ASTN1: variants seen among roughly 807,000 people sequenced by gnomAD.
ASTN1 encodes astrotactin 1.
Under a neutral mutation model 140.7 loss-of-function variants are expected in ASTN1, and 41 were observed. That is an observed-to-expected ratio of 0.29 (90% CI 0.23 to 0.38). The LOEUF (loss-of-function observed/expected upper bound fraction) is 0.38. Ranked by LOEUF, ASTN1 falls within the 10% of genes least tolerant of loss-of-function variation. The pLI is 1.00. For missense variants in ASTN1, 1,479 were observed against 1,678.8 expected, an observed-to-expected ratio of 0.88 and a Z score of 2.08; for synonymous variants, 640 against 652.2, an observed-to-expected ratio of 0.98 and a Z score of 0.29.
intron 18 of ASTN1, among the ~76,000 whole-genome samples, chr1:176,885,714 G>T (rs1669007330): frequency 6.6e-6 from 1 of 152,156 alleles, no homozygotes; most frequent in South Asian, 2.1e-4. Context: ...ACAGATATTT[G>T]TGAAGCATCC....
chr1:177,047,625 G>C (rs1023602005), intron 2 of ASTN1, among the ~76,000 whole-genome samples: 1 of 152,146 alleles, frequency 6.6e-6, no homozygotes, highest in Admixed American at 6.6e-5. Context: ...GGAAACCACC[G>C]TATCAGTCCA....
chr1:177,080,769 A>G (rs1679140254), intron 1 of ASTN1, among the ~76,000 whole-genome samples: 1 of 152,128 alleles, frequency 6.6e-6, no homozygotes, highest in Admixed American at 6.5e-5. Context: ...GGGCTTTAGA[A>G]TCAGACAGAC....
chr1:176,960,733 C>T (rs1672622199), intron 9 of ASTN1, among the ~76,000 whole-genome samples: 2 of 152,182 alleles, frequency 1.3e-5, no homozygotes. Context: ...TACAATGAGA[C>T]CTGACCATAG....
intron 7 of ASTN1, among the ~76,000 whole-genome samples, chr1:177,018,724 A>T (rs1359142943): frequency 6.6e-6 from 1 of 152,170 alleles, no homozygotes; most frequent in East Asian, 1.9e-4. Flanking sequence ...AAGGCCAGGG[A>T]GAGAGGAAAG....
At chr1:176,986,532 A>G (rs1673914454) in intron 8 of ASTN1, among the ~76,000 whole-genome samples, 1 of 152,136 alleles carries the variant, frequency 6.6e-6, no homozygotes, top group Non-Finnish European at 1.5e-5. Context: ...GGGGAAGGAG[A>G]TAACTCAAAA....
chr1:177,003,470 T>C (rs1315010114), intron 8 of ASTN1, among the ~76,000 whole-genome samples: 2 of 151,876 alleles, frequency 1.3e-5, no homozygotes, highest in African/African-American at 2.4e-5. Context: ...CTGAAGAAAA[T>C]AGGCATAGAA....
chr1:177,047,843 T>G (rs1363092773), intron 2 of ASTN1, among the ~76,000 whole-genome samples: 1 of 152,192 alleles, frequency 6.6e-6, no homozygotes, highest in Non-Finnish European at 1.5e-5. Context: ...ATGGGAAGAC[T>G]GAAATCCATC....
chr1:177,082,774 G>C (rs1336998579), intron 1 of ASTN1, among the ~76,000 whole-genome samples: 1 of 152,148 alleles, frequency 6.6e-6, no homozygotes, highest in African/African-American at 2.4e-5. Context: ...ATGCTGGAGG[G>C]AGCTCTGCCG....
rs114290693 is a variant in ASTN1 at position 177,009,634 on chromosome 1, T to A, written c.1523+5157A>T. On this transcript the variant is annotated intron_variant, in intron 8 of 22. Transcript: ENST00000361833. ...ATGAGAATGACATATTAAGGCAGCA[T>A]GGGCCATGTATGAGTAAGTGAATGT... Among the ~76,000 whole-genome samples the A allele has an allele frequency of 2.7e-3, 418 of 152,300 alleles. 3 individuals are homozygous for A. Among genetic ancestry groups the A allele is most frequent in the African/African-American group, 9.0e-3 (376 of 41,562 alleles).
intron 16 of ASTN1, among the ~76,000 whole-genome samples, chr1:176,915,027 G>A (rs868084149): frequency 3.7e-4 from 57 of 152,216 alleles, no homozygotes; most frequent in African/African-American, 1.2e-3. Context: ...GATGTAATGG[G>A]AAAATCTAAG....
At chr1:176,925,426 C>T (rs1447219937) in intron 16 of ASTN1, among the ~76,000 whole-genome samples, 1 of 152,186 alleles carries the variant, frequency 6.6e-6, no homozygotes, top group East Asian at 1.9e-4. Flanking sequence ...TTTCAGGCCC[C>T]ACCCAGACTT....
intron 1 of ASTN1, among the ~76,000 whole-genome samples, chr1:177,089,035 C>T (rs1011494345): frequency 2.0e-5 from 3 of 152,148 alleles, no homozygotes; most frequent in Non-Finnish European, 4.4e-5. Context: ...CACTCCTCCC[C>T]TTTATGAGCA....
intron 16 of ASTN1, among the ~76,000 whole-genome samples, chr1:176,931,010 C>T (rs1012556539): frequency 2.6e-5 from 4 of 151,904 alleles, no homozygotes; most frequent in Non-Finnish European, 5.9e-5. Context: ...GGATGGGCGC[C>T]GGCACGCAGG....
chr1:177,023,486 C>A lies in ASTN1; in HGVS notation c.1356G>T (p.Gln452His). The change falls in exon 7 of 23, where the codon CAG becomes CAT. Residue 452 changes from glutamine to histidine, a missense_variant. Physicochemically the swap from Gln to His is conservative, Grantham distance 24. Coordinates refer to ENST00000361833, the MANE Select transcript of ASTN1 (RefSeq NM_004319.3). The stretch of plus-strand genomic sequence containing the variant: ...CCATGGCCCAGGGTCCGCTGGAGTT[C>A]TGCTGAGAGAAGAGAACCACTTGGG... ...NPAQVVLFSQ[Q>H]NSSGPWAMDL... 6.2e-7 allele frequency: 1 copy of A among 1,612,878 alleles called. No individual in the cohort carries two copies. The highest frequency in any genetic ancestry group is 8.5e-7 in the Non-Finnish European group (1 of 1,179,532).
chr1:176,857,623 C>A, downstream of ASTN1: 1 of 623,362 alleles, frequency 1.6e-6, no homozygotes, highest in South Asian at 2.0e-5. Context: ...ATCTACAACT[C>A]CTCTGACTGT....
chr1:177,072,960 GT>G (rs765797581), intron 1 of ASTN1, among the ~76,000 whole-genome samples: 97 of 152,144 alleles, frequency 6.4e-4, no homozygotes, highest in Non-Finnish European at 1.2e-3. Context: ...AAAAAAAAAA[GT>G]GCTGGGTTTT....
At chr1:176,897,543 G>A (rs1002429994) in intron 16 of ASTN1, among the ~76,000 whole-genome samples, 5 of 151,688 alleles carry the variant, frequency 3.3e-5, no homozygotes, top group African/African-American at 1.2e-4. Flanking sequence ...GGTGATATAA[G>A]TCTAAAATGA....
intron 20 of ASTN1, among the ~76,000 whole-genome samples, chr1:176,881,423 T>C (rs1668795921): frequency 6.6e-6 from 1 of 152,192 alleles, no homozygotes; most frequent in Non-Finnish European, 1.5e-5. Flanking sequence ...TCTTGTACAT[T>C]GGAACTTTGG....
chr1:177,064,372 T>C (rs1469575361), intron 1 of ASTN1, among the ~76,000 whole-genome samples: 3 of 152,214 alleles, frequency 2.0e-5, no homozygotes, highest in Admixed American at 6.5e-5. Context: ...TGGTTTTTAA[T>C]ATATTCACAA....
Sources: gnomAD v4.1 joint callset for allele counts (sites outside exome capture counted in the v4.1 genomes callset) on GRCh38, gnomAD v4.1.1 for gene constraint, MANE v1.5 for transcripts, NCBI Gene and HGNC (gene_info 2026-07-23, HGNC 2026-07-21) for gene names.